LMO1: variants seen among roughly 807,000 people sequenced by gnomAD.
LMO1 encodes LIM domain only 1, also known as rhombotin-1.
In LMO1, 10 loss-of-function variants were observed where a neutral mutation model predicts 18.0. The observed-to-expected ratio is 0.55, with a 90% CI of 0.34 to 0.94. The LOEUF is 0.94. Among genes scored for constraint, LMO1 ranks in the 40% least tolerant of loss-of-function variants. The pLI is 0.02. For synonymous variants in LMO1, 77 were observed against 77.9 expected (o/e 0.99, Z 0.06); for missense variants, 183 against 205.7 (o/e 0.89, Z 0.68).
intron 1 of LMO1, among the ~76,000 whole-genome samples, chr11:8,261,529 C>T (rs1030592542): frequency 5.3e-5 from 8 of 152,222 alleles, no homozygotes; most frequent in African/African-American, 1.7e-4. Flanking sequence ...AGGCCTCTCA[C>T]GTACAGAGCC....
intron 3 of LMO1, 82 bp downstream of exon 3, chr11:8,226,893 C>T: frequency 6.6e-7 from 1 of 1,512,612 alleles, no homozygotes; most frequent in East Asian, 2.4e-5. Flanking sequence ...GCGTGCACGC[C>T]TCCGCCGTGC....
upstream of LMO1, among the ~76,000 whole-genome samples, chr11:8,268,078 A>C (rs547806325): frequency 5.3e-5 from 8 of 152,256 alleles, no homozygotes; most frequent in Non-Finnish European, 1.2e-4. Flanking sequence ...ACTGCCGGGA[A>C]GCCCGCGGTG....
intron 1 of LMO1, among the ~76,000 whole-genome samples, chr11:8,239,763 C>T (rs552617876): frequency 2.8e-4 from 42 of 152,300 alleles, no homozygotes; most frequent in Non-Finnish European, 5.4e-4. Flanking sequence ...TGCTTGTCTG[C>T]TCTAAGTGCC....
Position 8,230,306 on chromosome 11 carries a change from C to A in LMO1, c.224G>T (p.Arg75Leu). 1 of 1,613,718 alleles carries A rather than the reference C, an allele frequency of 6.2e-7. No individual in the cohort carries two copies. ...GGCAGCCCACCTCAGGTAGTCGCGT[C>A]GGCACAGGATGAGGTTGGCCTTGGT... is the stretch of plus-strand genomic sequence containing the variant. ...LYTKANLILC[R>L]RDYLRLFGTT... is the part of the protein sequence containing the mutation. Residue 75 changes from arginine (R) to leucine (L), a missense_variant, in exon 2 of 4, where the codon CGA (arginine) becomes CTA (leucine). Arg to Leu is a moderately radical substitution (Grantham distance 102). Coordinates refer to ENST00000335790, the MANE Select transcript of LMO1 (RefSeq NM_002315.3).
At chr11:8,239,528 C>G (rs564686800) in intron 1 of LMO1, among the ~76,000 whole-genome samples, 105 of 152,198 alleles carry the variant, frequency 6.9e-4, no homozygotes, top group African/African-American at 2.1e-3. Context: ...GACAAAGAAG[C>G]CTTGAGATGG....
At chr11:8,249,425 A>G (rs1051568963) in intron 1 of LMO1, among the ~76,000 whole-genome samples, 1 of 152,092 alleles carries the variant, frequency 6.6e-6, no homozygotes, top group East Asian at 1.9e-4. Context: ...AGTAAACCAA[A>G]TGGTCTTAAT....
chr11:8,254,150 T>C (rs1321940095), intron 1 of LMO1, among the ~76,000 whole-genome samples: 1 of 152,058 alleles, frequency 6.6e-6, no homozygotes, highest in East Asian at 1.9e-4. Flanking sequence ...AAAAGTAATC[T>C]CCAAGTGGAA....
intron 3 of LMO1, 115 bp from the exon 4 acceptor site, chr11:8,224,836 G>A: frequency 2.8e-6 from 2 of 702,968 alleles, no homozygotes; most frequent in Non-Finnish European, 2.5e-6. Flanking sequence ...GGTGGTGGGG[G>A]GAGTTTGTTC....
At chr11:8,231,245 C>T (rs1339308587) in intron 1 of LMO1, among the ~76,000 whole-genome samples, 12 of 152,208 alleles carry the variant, frequency 7.9e-5, no homozygotes, top group Admixed American at 7.2e-4. Flanking sequence ...TCAGTCCCTC[C>T]CAGGGCCCAT....
At chr11:8,227,237 A>G (rs1565174585) in intron 2 of LMO1, 137 bp from the exon 3 acceptor site, 1 of 1,403,814 alleles carries the variant, frequency 7.1e-7, no homozygotes, top group Non-Finnish European at 9.5e-7. Context: ...GCAATAGGAT[A>G]AGAGCACTGA....
chr11:8,225,012 G>T (rs1179693018), intron 3 of LMO1, among the ~76,000 whole-genome samples: 1 of 151,816 alleles, frequency 6.6e-6, no homozygotes, highest in African/African-American at 2.4e-5. Flanking sequence ...GTGAGTGTAG[G>T]GTTAGGGGGG....
At chr11:8,243,284 G>GC (rs1199347794) in intron 1 of LMO1, among the ~76,000 whole-genome samples, 3 of 152,324 alleles carry the variant, frequency 2.0e-5, no homozygotes, top group South Asian at 2.1e-4. Flanking sequence ...TTTCCCTTCA[G>GC]CCCCCCGCAT....
At chr11:8,226,930 G>A in intron 3 of LMO1, 45 bp downstream of exon 3, 13 of 1,577,800 alleles carry the variant, frequency 8.2e-6, no homozygotes, top group Non-Finnish European at 1.0e-5. Context: ...CAGGCCTCAG[G>A]CTGGCGTCTG....
intron 1 of LMO1, 53 bp from the exon 2 acceptor site, chr11:8,230,557 C>T (rs1952640605): frequency 2.6e-6 from 4 of 1,551,806 alleles, no homozygotes; most frequent in Non-Finnish European, 3.5e-6. Flanking sequence ...AGCTCTGGGC[C>T]TCAAGGAATA....
intron 1 of LMO1, among the ~76,000 whole-genome samples, chr11:8,258,255 C>A (rs935119050): frequency 6.6e-6 from 1 of 152,186 alleles, no homozygotes; most frequent in African/African-American, 2.4e-5. Context: ...CCCTCTGGAC[C>A]CTGGAGATGG....
intron 1 of LMO1, among the ~76,000 whole-genome samples, chr11:8,232,844 C>G (rs1952692251): frequency 6.6e-6 from 1 of 152,198 alleles, no homozygotes; most frequent in African/African-American, 2.4e-5. Flanking sequence ...GCACGTGAAG[C>G]AGCTGTCCCA....
At position 8,263,311 on chromosome 11, in the gene LMO1, G is replaced by A. The variant is rs753402018; in HGVS notation, c.25+27C>T. 14 of 1,594,120 alleles carry A rather than the reference G, an allele frequency of 8.8e-6. No individual in the cohort carries two copies. The African/African-American group carries it at 1.5e-4, about 17-fold the overall frequency. On this transcript the variant is annotated intron_variant, in intron 1 of 3. Coordinates refer to ENST00000335790, the MANE Select transcript of LMO1 (RefSeq NM_002315.3). ...GCGGCAGGGGGCGAGGGGGTGAGGG[G>A]CGTCGAGACCCCGGCCCGCCACCTA...
chr11:8,226,423 G>A (rs1952542863), intron 3 of LMO1, among the ~76,000 whole-genome samples: 1 of 152,170 alleles, frequency 6.6e-6, no homozygotes, highest in Non-Finnish European at 1.5e-5. Flanking sequence ...TGAGGCAGGA[G>A]AATCACTTGA....
chr11:8,268,463 C>T, upstream of LMO1: 1 of 1,448,198 alleles, frequency 6.9e-7, no homozygotes, highest in Non-Finnish European at 9.1e-7. Context: ...CCGACGGCTC[C>T]AGCCGGACTA....
Sources: allele counts gnomAD v4.1 joint callset (sites outside exome capture counted in the v4.1 genomes callset), GRCh38; gene constraint gnomAD v4.1.1; transcripts MANE v1.5; gene names NCBI Gene and HGNC (gene_info 2026-07-23, HGNC 2026-07-21).